Variants in LRP1 observed in about 807,000 individuals in gnomAD.
LRP1 encodes the protein LDL receptor related protein 1, also known as prolow-density lipoprotein receptor-related protein 1.
LRP1 carries 51 observed loss-of-function variants against 541.5 expected under a neutral mutation model. That is an observed-to-expected ratio of 0.09 (90% CI 0.08 to 0.12). LRP1 has a LOEUF of 0.12. LRP1 is among the 10% of genes least tolerant of loss of function. LRP1 has a pLI of 1.00. For missense variants in LRP1, 3,878 were observed against 6,376.2 expected (o/e 0.61, Z 13.34); for synonymous variants, 2,219 against 2,470.8 (o/e 0.90, Z 3.02).
chr12:57,204,935 GGGGCTGCCTGATGC>G lies in LRP1; in HGVS notation c.11195-173_11195-160del. 6.8e-6 allele frequency: 9 copies of G among 1,322,104 alleles called. No homozygotes were observed. The highest frequency in any genetic ancestry group is 9.3e-6 in the Non-Finnish European group (9 of 971,156). 81.9% of individuals were successfully genotyped at this position (1,322,104 alleles called of 1,614,324 possible). A position where few individuals can be genotyped will look rare whatever the true frequency, so the allele number is the denominator to read the frequency against. The stretch of plus-strand genomic sequence containing the variant: ...AGAGAAGCCCCTGGGGAAGGCTCTG[GGGGCTGCCTGATGC>G]CTTAGGTCTTGGAGGTGGGGCTGGG... On this transcript the variant is annotated intron_variant, in intron 72 of 88. Coordinates refer to ENST00000243077, the MANE Select transcript of LRP1 (RefSeq NM_002332.3). The surrounding 1 kb of genome is among the most constrained non-coding windows in gnomAD (Gnocchi z 5.3).
chr12:57,190,422 G>T (rs1238722943), intron 42 of LRP1, among the ~76,000 whole-genome samples: 1 of 152,256 alleles, frequency 6.6e-6, no homozygotes, highest in Non-Finnish European at 1.5e-5. Context: ...CATAGAGGAG[G>T]AAACTGAGGC....
Position 57,156,946 on chromosome 12 carries a change from G to A in LRP1, c.1561+26G>A, listed in dbSNP as rs776963559. 1.1e-5 allele frequency: 17 copies of A among 1,544,784 alleles called. No individual in the cohort carries two copies. The South Asian group carries it at 2.0e-4, about 18-fold the overall frequency. The stretch of plus-strand genomic sequence containing the variant: ...GTGAGTGACAGGGAAGGGGGTGTGT[G>A]CCCATTGGGAGGCTGCGGGAGGGTT... On this transcript the variant is annotated intron_variant, in intron 10 of 88. Transcript: ENST00000243077. The surrounding 1 kb of genome is among the most constrained non-coding windows in gnomAD (Gnocchi z 5.2).
At chr12:57,191,710 C>G (rs977352922) in intron 44 of LRP1, among the ~76,000 whole-genome samples, 198 bp downstream of exon 44, 45 of 148,582 alleles carry the variant, frequency 3.0e-4, no homozygotes, top group Non-Finnish European at 3.3e-4. Flanking sequence ...ACATACACAC[C>G]ACACCATACA....
chr12:57,199,910 G>C lies in LRP1; in HGVS notation c.9899G>C (p.Gly3300Ala). The change falls in exon 62 of 89, where the codon GGC becomes GCC. Residue 3300 changes from glycine to alanine, a missense_variant. Physicochemically the swap from Gly to Ala is moderately conservative, Grantham distance 60. Around this residue, in one of 13 missense-constraint regions of LRP1, gnomAD observed 1,100 missense variants for 1,827.4 expected, o/e 0.60. Transcript: ENST00000243077. ...CACCCCTGCAAGGTCAACAATGGTG[G>C]CTGCAGCAACCTGTGCCTGCTGTCC... is the stretch of plus-strand genomic sequence containing the variant. Reference protein sequence around the residue: ...PNHPCKVNNGGCSNLCLLSPG... With the variant: ...PNHPCKVNNGACSNLCLLSPG... The C allele has an allele frequency of 6.3e-7, 1 of 1,595,836 alleles. No homozygotes were observed.
Position 57,204,332 on chromosome 12 carries a change from C to T in LRP1, c.10952-78C>T. ...TGCTTGCCTGGTGACCCCTCTGAGC[C>T]TGGAACCCCCACCTGTGGAGACAGG... On this transcript the variant is annotated intron_variant, in intron 70 of 88. Transcript: ENST00000243077. This position sits in a 1 kb window ranked among gnomAD's most constrained non-coding sequence, Gnocchi z 5.3. The T allele has an allele frequency of 6.9e-7, 1 of 1,444,542 alleles. No individual in the cohort carries two copies. The highest frequency in any genetic ancestry group is 1.7e-5 in the South Asian group (1 of 58,210). 89.5% of individuals were successfully genotyped at this position (1,444,542 alleles called of 1,614,324 possible).
At chr12:57,145,657 C>T (rs796098010) in intron 6 of LRP1, among the ~76,000 whole-genome samples, 167 bp downstream of exon 6, 18 of 152,264 alleles carry the variant, frequency 1.2e-4, no homozygotes, top group African/African-American at 4.1e-4. Flanking sequence ...GGCAGAGCCA[C>T]CGGCACGCTC....
chr12:57,142,538 T>A (rs1433915774), intron 3 of LRP1, among the ~76,000 whole-genome samples: 1 of 152,146 alleles, frequency 6.6e-6, no homozygotes, highest in Non-Finnish European at 1.5e-5. Context: ...AATGCGGGCC[T>A]GGGGGCTGAC....
chr12:57,175,739 G>A (rs370222141), intron 23 of LRP1, 34 bp downstream of exon 23: 84 of 1,549,730 alleles, frequency 5.4e-5, no homozygotes, highest in Non-Finnish European at 6.1e-5. Context: ...GGGGCAGGCC[G>A]AGGCAGGCCT....
chr12:57,167,115 G>T, intron 18 of LRP1, 69 bp downstream of exon 18: 2 of 1,367,652 alleles, frequency 1.5e-6, no homozygotes, highest in South Asian at 1.2e-5. Flanking sequence ...ATGCCAGTTG[G>T]GGGTGCCGGA....
Position 57,183,570 on chromosome 12 carries a change from G to A in LRP1, c.5794+60G>A. The A allele has an allele frequency of 6.4e-7, 1 of 1,568,620 alleles. No individual in the cohort carries two copies. On this transcript the variant is annotated intron_variant, in intron 35 of 88. Coordinates refer to ENST00000243077, the MANE Select transcript of LRP1 (RefSeq NM_002332.3). This position sits in a 1 kb window ranked among gnomAD's most constrained non-coding sequence, Gnocchi z 6.1. ...GCGTAGGAGCTTTAGGGGTGGTGTG[G>A]TGTGCCCTGAGGGTCCAGTGAGAGG...
chr12:57,159,837 T>C lies in LRP1; in HGVS notation c.1811T>C (p.Val604Ala). Residue 604 changes from valine to alanine, a missense_variant, in exon 12 of 89, where the codon GTG (valine) becomes GCG (alanine). By Grantham distance (64) the Val-to-Ala change is moderately conservative. Coordinates refer to ENST00000243077, the MANE Select transcript of LRP1 (RefSeq NM_002332.3). ...ETILKDGIHNVEGVAVDWMGD... is the reference protein window; with the variant it reads ...ETILKDGIHNAEGVAVDWMGD... ...CTTCCCCCAACAGGCATCCACAATGTGGAGGGTGTGGCCGTGGACTGGATG... is the reference window on the plus strand; with the variant it reads ...CTTCCCCCAACAGGCATCCACAATGCGGAGGGTGTGGCCGTGGACTGGATG... The C allele has an allele frequency of 6.2e-7, 1 of 1,614,066 alleles. No homozygotes were observed. The highest frequency in any genetic ancestry group is 8.5e-7 in the Non-Finnish European group (1 of 1,179,960).
At position 57,156,968 on chromosome 12, in the gene LRP1, G is replaced by T; in HGVS notation, c.1561+48G>T. 1 of 1,507,382 alleles carries T rather than the reference G, an allele frequency of 6.6e-7. No individual in the cohort carries two copies. The highest frequency in any genetic ancestry group is 8.9e-7 in the Non-Finnish European group (1 of 1,121,582). The allele number at this position is 1,507,382 out of a possible 1,614,324, so 93.4% of individuals were successfully genotyped here. On this transcript the variant is annotated intron_variant, in intron 10 of 88. Transcript: ENST00000243077. This position sits in a 1 kb window ranked among gnomAD's most constrained non-coding sequence, Gnocchi z 5.2. Reference sequence around the variant, plus strand: ...TGTGCCCATTGGGAGGCTGCGGGAGGGTTCCTCAGGTGTCCCCCACAGCCC... The same window carrying T: ...TGTGCCCATTGGGAGGCTGCGGGAGTGTTCCTCAGGTGTCCCCCACAGCCC...
chr12:57,145,457 G>A lies in LRP1; in HGVS notation c.808G>A (p.Glu270Lys). 6.2e-7 allele frequency: 1 copy of A among 1,614,026 alleles called. No homozygotes were observed. Among genetic ancestry groups the A allele is most frequent in the Non-Finnish European group, 8.5e-7 (1 of 1,180,026 alleles). The change falls in exon 6 of 89, where the codon GAG (glutamate) becomes AAG (lysine). Residue 270 changes from glutamate (E) to lysine (K), a missense_variant. Physicochemically the swap from Glu to Lys is moderately conservative, Grantham distance 56 (BLOSUM62 1). Coordinates refer to ENST00000243077, the MANE Select transcript of LRP1 (RefSeq NM_002332.3). ...GCCTGGCCTAAAGGGCTTCGTGGAT[G>A]AGCACACCATCAACATCTCCCTCAG... The part of the protein sequence containing the change: ...RMPGLKGFVD[E>K]HTINISLSLH...
At position 57,185,246 on chromosome 12, in the gene LRP1, G is replaced by T. The variant is rs2036246411; in HGVS notation, c.6463+41G>T. ...TGGGCTGGGGTGGAGAGGTGAGGGG[G>T]ACTCTGGCCTGGGAGAGTGCTCCCC... is the stretch of plus-strand genomic sequence containing the variant. On this transcript the variant is annotated intron_variant, in intron 40 of 88. Coordinates refer to ENST00000243077, the MANE Select transcript of LRP1 (RefSeq NM_002332.3). This position sits in a 1 kb window ranked among gnomAD's most constrained non-coding sequence, Gnocchi z 4.9. The T allele has an allele frequency of 6.2e-7, 1 of 1,609,982 alleles. No individual in the cohort carries two copies. The highest frequency in any genetic ancestry group is 1.3e-5 in the African/African-American group (1 of 74,964).
Position 57,184,751 on chromosome 12 carries a change from C to A in LRP1, c.6187-88C>A. Reference sequence around the variant, plus strand: ...AGGGGAGGCTGAACTGAGGGCCTCACTCTGGCCCAGGCACTCCCTGCTGCC... The same window carrying A: ...AGGGGAGGCTGAACTGAGGGCCTCAATCTGGCCCAGGCACTCCCTGCTGCC... On this transcript the variant is annotated intron_variant, in intron 38 of 88. Coordinates refer to ENST00000243077, the MANE Select transcript of LRP1 (RefSeq NM_002332.3). This position sits in a 1 kb window ranked among gnomAD's most constrained non-coding sequence, Gnocchi z 7.8. The A allele has an allele frequency of 1.4e-6, 2 of 1,431,650 alleles. No homozygotes were observed. The highest frequency in any genetic ancestry group is 1.3e-5 in the South Asian group (1 of 76,320). 88.7% of individuals were successfully genotyped at this position (1,431,650 alleles called of 1,614,324 possible). A position where few individuals can be genotyped will look rare whatever the true frequency, so the allele number is the denominator to read the frequency against.
chr12:57,163,648 G>T (rs1484800429), intron 15 of LRP1, among the ~76,000 whole-genome samples: 3 of 151,764 alleles, frequency 2.0e-5, no homozygotes, highest in African/African-American at 7.3e-5. Context: ...GGAGAAAAAA[G>T]CCCAAATCCC....
chr12:57,195,206 AC>A (rs2036503421), intron 51 of LRP1, 64 bp from the exon 52 acceptor site: 6 of 1,597,002 alleles, frequency 3.8e-6, no homozygotes, highest in Admixed American at 3.4e-5. Flanking sequence ...GCGAACCATC[AC>A]CTCCACTGCT....
At chr12:57,207,068 C>T (rs1027460627) in intron 76 of LRP1, among the ~76,000 whole-genome samples, 32 of 152,016 alleles carry the variant, frequency 2.1e-4, no homozygotes, top group Non-Finnish European at 4.3e-4. Flanking sequence ...AGTGAAACCC[C>T]GTCTCTATTA....
At position 57,198,051 on chromosome 12, in the gene LRP1, G is replaced by A. The variant is rs148820820; in HGVS notation, c.9283-105G>A. The A allele has an allele frequency of 4.1e-3, 3,891 of 940,530 alleles. 37 individuals are homozygous for A. The highest frequency in any genetic ancestry group is 0.03 in the Middle Eastern group (89 of 2,988). The allele number at this position is 940,530 out of a possible 1,614,324, so 58.3% of individuals were successfully genotyped here. A position where few individuals can be genotyped will look rare whatever the true frequency, so the allele number is the denominator to read the frequency against. Reference sequence around the variant, plus strand: ...TGGTTCTCCCACCAGAGCTGTCAGAGGGAGCTCTACCCCATTTTACACGAG... The same window carrying A: ...TGGTTCTCCCACCAGAGCTGTCAGAAGGAGCTCTACCCCATTTTACACGAG... On this transcript the variant is annotated intron_variant, in intron 58 of 88. Coordinates refer to ENST00000243077, the MANE Select transcript of LRP1 (RefSeq NM_002332.3).
Sources: gnomAD v4.1 joint callset for allele counts (sites outside exome capture counted in the v4.1 genomes callset) on GRCh38, gnomAD v4.1.1 for gene constraint, gnomAD v4.1.1 regional missense constraint, Gnocchi (gnomAD v3.1) non-coding constraint, MANE v1.5 for transcripts, NCBI Gene and HGNC (gene_info 2026-07-23, HGNC 2026-07-21) for gene names.